The following SCARA3 variants were observed in gnomAD, a reference collection of about 807,000 sequenced individuals.
The protein encoded by SCARA3 is scavenger receptor class A member 3.
SCARA3 carries 39 observed loss-of-function variants against 47.0 expected under a neutral mutation model. That is an observed-to-expected ratio of 0.83 (90% CI 0.64 to 1.08). The LOEUF is 1.08. SCARA3 is among the 50% of genes least tolerant of loss of function. The pLI, the probability that SCARA3 is intolerant of heterozygous loss-of-function variation, is 0.00. For missense variants in SCARA3, 724 were observed against 792.3 expected (o/e 0.91, Z 1.04); for synonymous variants, 356 against 334.1 (o/e 1.07, Z -0.71).
the SCARA3 span, among the ~76,000 whole-genome samples, chr8:27,716,928 C>T: frequency 7.2e-5 from 11 of 152,180 alleles, no homozygotes; most frequent in South Asian, 4.2e-4. Context: ...AAGAAGAACA[C>T]GGCATCACCT....
chr8:27,663,933 T>C (rs1362165053), intron 5 of SCARA3, among the ~76,000 whole-genome samples: 1 of 152,218 alleles, frequency 6.6e-6, no homozygotes, highest in African/African-American at 2.4e-5. Context: ...ATACGCACTC[T>C]AATGATGAAT....
intron 5 of SCARA3, among the ~76,000 whole-genome samples, chr8:27,662,580 A>G (rs547266487): frequency 6.6e-6 from 1 of 152,316 alleles, no homozygotes; most frequent in South Asian, 2.1e-4. Flanking sequence ...GCAAATCTAT[A>G]TCCAGGGCAA....
chr8:27,719,231 G>C, the SCARA3 span, among the ~76,000 whole-genome samples: 2 of 152,174 alleles, frequency 1.3e-5, no homozygotes, highest in Non-Finnish European at 2.9e-5. Context: ...CCTTTGCAGG[G>C]ACATGGATGG....
At chr8:27,711,321 T>A in the SCARA3 span, among the ~76,000 whole-genome samples, 1 of 152,242 alleles carries the variant, frequency 6.6e-6, no homozygotes, top group South Asian at 2.1e-4. Context: ...TGGTATTGCA[T>A]CTTCACTTAC....
rs1250026808 is a variant in SCARA3 at position 27,651,629 on chromosome 8, T to G, written c.226+2T>G. The G allele has an allele frequency of 6.2e-7, 1 of 1,613,988 alleles. No homozygotes were observed. On this transcript the variant is annotated splice_donor_variant, in intron 3 of 5. Transcript: ENST00000301904. LOFTEE classifies it high-confidence loss of function. ...CCGTGGCTGTGTTGGCCTCTCTGGGTGAGTCCGGGGCTTTCCCACCCCGGG... is the reference window on the plus strand; with the variant it reads ...CCGTGGCTGTGTTGGCCTCTCTGGGGGAGTCCGGGGCTTTCCCACCCCGGG...
At chr8:27,656,357 G>A (rs1009217969) in intron 3 of SCARA3, among the ~76,000 whole-genome samples, 3 of 152,150 alleles carry the variant, frequency 2.0e-5, no homozygotes, top group African/African-American at 7.2e-5. Context: ...TCCACTGGGG[G>A]TCTTGGAATG....
At chr8:27,726,559 G>A in the SCARA3 span, among the ~76,000 whole-genome samples, 12 of 152,022 alleles carry the variant, frequency 7.9e-5, no homozygotes, top group Non-Finnish European at 1.6e-4. Flanking sequence ...AATTAGCTGG[G>A]CTTGGTGGCG....
the SCARA3 span, among the ~76,000 whole-genome samples, chr8:27,687,540 G>A: frequency 6.6e-6 from 1 of 152,138 alleles, no homozygotes; most frequent in African/African-American, 2.4e-5. Flanking sequence ...ACAGAAGGCA[G>A]GAAGAGAATG....
chr8:27,653,213 GCAGGCACCGAAGAGTTT>G (rs1231282539), intron 3 of SCARA3, among the ~76,000 whole-genome samples: 1 of 152,212 alleles, frequency 6.6e-6, no homozygotes, highest in Non-Finnish European at 1.5e-5. Context: ...AGAGAAGAGC[GCAGGCACCGAAGAGTTT>G]CAGAGAGGAT....
the SCARA3 span, among the ~76,000 whole-genome samples, chr8:27,698,084 A>G: frequency 6.6e-6 from 1 of 152,254 alleles, no homozygotes; most frequent in Admixed American, 6.5e-5. Flanking sequence ...TAGCCTTCAG[A>G]AATGAGAGGA....
At chr8:27,729,694 G>C in the SCARA3 span, among the ~76,000 whole-genome samples, 1 of 152,122 alleles carries the variant, frequency 6.6e-6, no homozygotes, top group African/African-American at 2.4e-5. Context: ...GGGAGCCTGA[G>C]GCAGGAGAAT....
chr8:27,718,456 T>C, the SCARA3 span, among the ~76,000 whole-genome samples: 2 of 152,234 alleles, frequency 1.3e-5, no homozygotes, highest in Non-Finnish European at 2.9e-5. Flanking sequence ...GGGTTTCAAA[T>C]GAATTTGGGA....
chr8:27,688,512 A>G, the SCARA3 span, among the ~76,000 whole-genome samples: 1 of 152,094 alleles, frequency 6.6e-6, no homozygotes, highest in Non-Finnish European at 1.5e-5. Flanking sequence ...CCTGGGCAAC[A>G]CAGTGAGATT....
the SCARA3 span, among the ~76,000 whole-genome samples, chr8:27,713,401 C>T: frequency 2.0e-5 from 3 of 152,182 alleles, no homozygotes; most frequent in Non-Finnish European, 4.4e-5. Context: ...CCAGGTGTTT[C>T]CTTTGTAGAG....
the SCARA3 span, among the ~76,000 whole-genome samples, chr8:27,699,308 T>G: frequency 6.6e-6 from 1 of 150,826 alleles, no homozygotes; most frequent in Admixed American, 6.7e-5. Flanking sequence ...TCCTACACAC[T>G]TCCAATCAAA....
Position 27,672,252 on chromosome 8 carries a change from A to T in SCARA3, c.*901A>T. The T allele has an allele frequency of 1.0e-6, 1 of 985,482 alleles. No individual in the cohort carries two copies. The highest frequency in any genetic ancestry group is 1.2e-6 in the Non-Finnish European group (1 of 829,990). The allele number at this position is 985,482 out of a possible 1,614,324, so 61.0% of individuals were successfully genotyped here. A position where few individuals can be genotyped will look rare whatever the true frequency, so the allele number is the denominator to read the frequency against. On this transcript the variant is annotated 3_prime_UTR_variant, in exon 6 of 6. Coordinates refer to ENST00000301904, the MANE Select transcript of SCARA3 (RefSeq NM_016240.3). ...ACGTGTCCAGAAAATTCCTCAATTC[A>T]TCCTTGCCTCTGCCCTTCAGGAGCA...
the SCARA3 span, among the ~76,000 whole-genome samples, chr8:27,691,935 C>A: frequency 6.6e-6 from 1 of 152,116 alleles, no homozygotes; most frequent in Non-Finnish European, 1.5e-5. Context: ...TATCTCCTGT[C>A]CATTCTGTAA....
At chr8:27,683,589 G>A in the SCARA3 span, among the ~76,000 whole-genome samples, 1 of 152,060 alleles carries the variant, frequency 6.6e-6, no homozygotes, top group African/African-American at 2.4e-5. Context: ...AAAACTGTTT[G>A]GCTTCTTATG....
chr8:27,656,266 T>C (rs1696867007), intron 3 of SCARA3, among the ~76,000 whole-genome samples: 1 of 152,242 alleles, frequency 6.6e-6, no homozygotes, highest in East Asian at 1.9e-4. Context: ...GCCTAATTTA[T>C]ACATTAAACT....
Sources: allele counts gnomAD v4.1 joint callset (sites outside exome capture counted in the v4.1 genomes callset), GRCh38; gene constraint gnomAD v4.1.1; transcripts MANE v1.5; gene names NCBI Gene and HGNC (gene_info 2026-07-23, HGNC 2026-07-21).